The following GABRB2 variants were observed in gnomAD, a reference collection of about 807,000 sequenced individuals.
GABRB2 encodes the protein gamma-aminobutyric acid type A receptor subunit beta2.
In GABRB2, 16 loss-of-function variants were observed where a neutral mutation model predicts 54.7. The ratio of observed to expected loss-of-function variants is 0.29; its 90% CI spans 0.20 to 0.44. The LOEUF is 0.44. GABRB2 is among the 20% of genes least tolerant of loss of function. The pLI is 1.00. For missense variants in GABRB2, 355 were observed against 644.0 expected, an observed-to-expected ratio of 0.55 and a Z score of 4.86; for synonymous variants, 244 against 233.8, an observed-to-expected ratio of 1.04 and a Z score of -0.40.
chr5:161,453,045 T>G (rs2113242471), intron 4 of GABRB2, among the ~76,000 whole-genome samples: 1 of 152,326 alleles, frequency 6.6e-6, no homozygotes, highest in African/African-American at 2.4e-5. Flanking sequence ...TTTAAACTAT[T>G]CTGAAAATGA....
intron 4 of GABRB2, among the ~76,000 whole-genome samples, chr5:161,449,682 C>T (rs554969070): frequency 6.6e-6 from 1 of 152,186 alleles, no homozygotes; most frequent in African/African-American, 2.4e-5. Flanking sequence ...AAAAACCGTG[C>T]CCTTATGGGT....
At chr5:161,508,911 C>A (rs1222465275) in intron 3 of GABRB2, among the ~76,000 whole-genome samples, 1 of 151,962 alleles carries the variant, frequency 6.6e-6, no homozygotes, top group Non-Finnish European at 1.5e-5. Flanking sequence ...AATATATAAT[C>A]CTCTATTGTA....
chr5:161,348,748 A>G (rs1052583661), intron 5 of GABRB2, among the ~76,000 whole-genome samples: 3 of 152,110 alleles, frequency 2.0e-5, no homozygotes, highest in Non-Finnish European at 4.4e-5. Context: ...AAGCAAACAT[A>G]ATTCACTTTT....
intron 3 of GABRB2, among the ~76,000 whole-genome samples, chr5:161,529,853 C>CA (rs1393533015): frequency 1.3e-5 from 2 of 151,890 alleles, no homozygotes; most frequent in Non-Finnish European, 2.9e-5. Context: ...TATTTAAATC[C>CA]AAAACAACAA....
intron 8 of GABRB2, chr5:161,326,842 A>T: frequency 3.6e-6 from 1 of 277,806 alleles, no homozygotes; most frequent in Non-Finnish European, 5.5e-6. Flanking sequence ...TGTTGGCTGC[A>T]GGTGCATTTG....
At chr5:161,505,121 T>TG (rs1200364806) in intron 3 of GABRB2, among the ~76,000 whole-genome samples, 7 of 151,488 alleles carry the variant, frequency 4.6e-5, no homozygotes, top group Admixed American at 1.3e-4. Context: ...TTTTTTTTTT[T>TG]TTTGTTTGTT....
chr5:161,397,973 A>G (rs1447617249), intron 5 of GABRB2, among the ~76,000 whole-genome samples: 1 of 152,100 alleles, frequency 6.6e-6, no homozygotes, highest in Admixed American at 6.6e-5. Context: ...CATTTAGTAC[A>G]CAGTAAGTGT....
chr5:161,418,995 C>T (rs1478196489), intron 4 of GABRB2, among the ~76,000 whole-genome samples: 1 of 152,036 alleles, frequency 6.6e-6, no homozygotes, highest in Non-Finnish European at 1.5e-5. Flanking sequence ...GGCATGGTGG[C>T]ATATGCCTGT....
intron 4 of GABRB2, among the ~76,000 whole-genome samples, chr5:161,449,839 C>T (rs1177046211): frequency 6.6e-6 from 1 of 151,372 alleles, no homozygotes; most frequent in African/African-American, 2.4e-5. Flanking sequence ...AAATACTTTG[C>T]TAAAAAAAAA....
intron 9 of GABRB2, among the ~76,000 whole-genome samples, chr5:161,296,622 T>C (rs138144423): frequency 4.1e-4 from 62 of 152,270 alleles, no homozygotes; most frequent in African/African-American, 1.4e-3. Context: ...AATTAGGTAA[T>C]TCATAAAGTT....
chr5:161,524,932 C>T (rs1226938762), intron 3 of GABRB2, among the ~76,000 whole-genome samples: 5 of 151,226 alleles, frequency 3.3e-5, no homozygotes, highest in African/African-American at 1.2e-4. Flanking sequence ...AATATATAAG[C>T]ATGAAAAATA....
At chr5:161,538,615 G>T (rs1254380532) in intron 3 of GABRB2, among the ~76,000 whole-genome samples, 1 of 152,198 alleles carries the variant, frequency 6.6e-6, no homozygotes, top group Non-Finnish European at 1.5e-5. Context: ...CTTGAGCTCA[G>T]GAGTTTGAAA....
intron 3 of GABRB2, among the ~76,000 whole-genome samples, chr5:161,491,622 G>A (rs1759094681): frequency 6.6e-6 from 1 of 151,434 alleles, no homozygotes; most frequent in African/African-American, 2.4e-5. Context: ...TTTGCCTGAG[G>A]GTATAGTGGG....
At chr5:161,390,309 T>C (rs554854775) in intron 5 of GABRB2, among the ~76,000 whole-genome samples, 9 of 152,018 alleles carry the variant, frequency 5.9e-5, no homozygotes, top group Non-Finnish European at 1.0e-4. Context: ...CAGAATGAAA[T>C]TGAATGACAT....
chr5:161,349,399 G>A (rs1475589950), intron 5 of GABRB2, among the ~76,000 whole-genome samples: 1 of 152,100 alleles, frequency 6.6e-6, no homozygotes, highest in African/African-American at 2.4e-5. Flanking sequence ...AGTATTTATA[G>A]TTCTTGTATT....
rs73319100 is a variant in GABRB2, at chr5:161,429,674, T to C, written c.459-18617A>G. Among the ~76,000 whole-genome samples the C allele has an allele frequency of 3.1e-3, 467 of 152,276 alleles. 2 individuals are homozygous for C. The highest frequency in any genetic ancestry group is 0.01 in the African/African-American group (436 of 41,558). On this transcript the variant is annotated intron_variant, in intron 4 of 9. Transcript: ENST00000393959. ...AAATTCCAGGCTTACTAGTTTGTAT[T>C]TTATCCATTGAAAACTTCAGAGCAT...
chr5:161,518,327 A>T (rs1760013324), intron 3 of GABRB2, among the ~76,000 whole-genome samples: 1 of 152,300 alleles, frequency 6.6e-6, no homozygotes, highest in Admixed American at 6.5e-5. Context: ...AATTATTTAC[A>T]GTTTCAATCC....
chr5:161,369,026 C>T (rs1755053117), intron 5 of GABRB2, among the ~76,000 whole-genome samples: 2 of 152,308 alleles, frequency 1.3e-5, no homozygotes, highest in Admixed American at 6.5e-5. Context: ...AGGCAGAAAT[C>T]GATCCAATTA....
At chr5:161,471,834 A>G (rs1304954466) in intron 3 of GABRB2, among the ~76,000 whole-genome samples, 1 of 151,976 alleles carries the variant, frequency 6.6e-6, no homozygotes, top group Non-Finnish European at 1.5e-5. Context: ...TTATTGCCCT[A>G]TAAATTCATC....
Sources: gnomAD v4.1 joint callset for allele counts (sites outside exome capture counted in the v4.1 genomes callset) on GRCh38, gnomAD v4.1.1 for gene constraint, MANE v1.5 for transcripts, NCBI Gene and HGNC (gene_info 2026-07-23, HGNC 2026-07-21) for gene names.